The following CR1L variants were observed in gnomAD, a reference collection of about 807,000 sequenced individuals.
CR1L encodes complement component receptor 1-like protein.
A neutral mutation model predicts 62.3 loss-of-function variants in CR1L; 59 were observed. The observed-to-expected ratio is 0.95, with a 90% CI of 0.77 to 1.18. The LOEUF is 1.18. Ranked by LOEUF, CR1L falls within the 50% of genes most tolerant of loss-of-function variation. The probability of loss-of-function intolerance (pLI) is 0.00; values close to 1 mark genes in which losing one functional copy is unlikely to be tolerated. For missense variants in CR1L, 700 were observed against 702.8 expected (o/e 1.00, Z 0.04); for synonymous variants, 279 against 248.7 (o/e 1.12, Z -1.15).
chr1:207,669,085 C>T, intron 1 of CR1L: 1 of 241,332 alleles, frequency 4.1e-6, no homozygotes, highest in Non-Finnish European at 8.1e-6. Flanking sequence ...GAGGAAAAGT[C>T]AAGCAGGGTG....
Position 207,695,330 on chromosome 1 carries a change from A to G in CR1L, c.862+579A>G, listed in dbSNP as rs141428993. ...TTTTTTATAGAGATCGAATCTCACC[A>G]TGTTTCCCAGGCTTGTCTCGAACAC... On this transcript the variant is annotated intron_variant, in intron 5 of 11. Coordinates refer to ENST00000508064, the MANE Select transcript of CR1L (RefSeq NM_175710.2). Among the ~76,000 whole-genome samples, 585 of 152,098 alleles carry G rather than the reference A, an allele frequency of 3.8e-3. 2 individuals carry two copies. The highest frequency in any genetic ancestry group is 0.013 in the African/African-American group (548 of 41,478).
At chr1:207,674,876 A>G (rs1358739035) in intron 1 of CR1L, among the ~76,000 whole-genome samples, 1 of 141,794 alleles carries the variant, frequency 7.1e-6, no homozygotes, top group African/African-American at 2.6e-5. Context: ...TTTTTTTTTT[A>G]TACAGTGGTT....
At chr1:207,708,752 G>A in intron 10 of CR1L, 1 of 454,730 alleles carries the variant, frequency 2.2e-6, no homozygotes, top group East Asian at 6.9e-5. Context: ...AAAGAGGAAT[G>A]AGCAATTGCA....
chr1:207,705,145 C>T (rs1275622837), intron 9 of CR1L, among the ~76,000 whole-genome samples: 1 of 152,202 alleles, frequency 6.6e-6, no homozygotes, highest in Non-Finnish European at 1.5e-5. Flanking sequence ...CCCTCTGGGT[C>T]TGTGTCCTCA....
At chr1:207,694,863 C>T in intron 5 of CR1L, 112 bp downstream of exon 5, 1 of 1,549,102 alleles carries the variant, frequency 6.5e-7, no homozygotes, top group Non-Finnish European at 8.7e-7. Flanking sequence ...GGTCGAGAAG[C>T]AAATTTTCTA....
At chr1:207,666,080 A>G (rs1243782766) in intron 1 of CR1L, among the ~76,000 whole-genome samples, 1 of 152,198 alleles carries the variant, frequency 6.6e-6, no homozygotes, top group Non-Finnish European at 1.5e-5. Flanking sequence ...GTACTGAAAT[A>G]TCTGCTACAT....
At chr1:207,660,728 T>A (rs1663406601) in intron 1 of CR1L, among the ~76,000 whole-genome samples, 1 of 152,222 alleles carries the variant, frequency 6.6e-6, no homozygotes, top group African/African-American at 2.4e-5. Flanking sequence ...TTCTTTTAAT[T>A]GTGATGTTAG....
intron 1 of CR1L, among the ~76,000 whole-genome samples, chr1:207,667,075 C>T (rs1485060936): frequency 1.3e-5 from 2 of 152,208 alleles, no homozygotes; most frequent in Non-Finnish European, 2.9e-5. Flanking sequence ...AACATTCTCA[C>T]ACCTCCTGGC....
chr1:207,717,642 T>A lies in CR1L; in HGVS notation c.1593T>A (p.Asn531Lys), dbSNP rs773249613. ...GCCGCACAAGTGAACCTCATGGGAA[T>A]GGGGTTTGGAGCAGCCCTGCCCCTC... ...TIRRTSEPHG[N>K]GVWSSPAPRC... Residue 531 changes from asparagine (N) to lysine (K), a missense_variant, in exon 11 of 12, where the codon AAT becomes AAA. Transcript: ENST00000508064. The A allele has an allele frequency of 6.2e-7, 1 of 1,613,990 alleles. No individual in the cohort carries two copies. Among genetic ancestry groups the A allele is most frequent in the Non-Finnish European group, 8.5e-7 (1 of 1,179,888 alleles).
chr1:207,696,710 A>T (rs1333251445), intron 5 of CR1L, among the ~76,000 whole-genome samples: 2 of 152,204 alleles, frequency 1.3e-5, no homozygotes, highest in African/African-American at 4.8e-5. Context: ...ACAAACTGAA[A>T]TTATTTTTTC....
At chr1:207,657,180 T>C (rs1663327704) in intron 1 of CR1L, 2 of 1,015,564 alleles carry the variant, frequency 2.0e-6, no homozygotes, top group Non-Finnish European at 3.1e-6. Flanking sequence ...TTTAGTGAAG[T>C]AGAAGTATTT....
chr1:207,694,862 G>A, intron 5 of CR1L, 111 bp downstream of exon 5: 1 of 1,551,508 alleles, frequency 6.4e-7, no homozygotes, highest in Non-Finnish European at 8.7e-7. Flanking sequence ...GGGTCGAGAA[G>A]CAAATTTTCT....
intron 1 of CR1L, among the ~76,000 whole-genome samples, chr1:207,664,582 A>G (rs1488829610): frequency 6.6e-6 from 1 of 152,196 alleles, no homozygotes; most frequent in Non-Finnish European, 1.5e-5. Flanking sequence ...GCTTACTCAC[A>G]TGCTCCTAGT....
Position 207,652,414 on chromosome 1 carries a change from A to G in CR1L, c.97+7084A>G, listed in dbSNP as rs55972631. ...CTACTACCAGCACTCAGGTAAAAGC[A>G]TGGAACAGTCATTTAAAATCTTGCC... On this transcript the variant is annotated intron_variant, in intron 1 of 11. Transcript: ENST00000508064. 9,439 of 646,162 alleles carry G rather than the reference A, an allele frequency of 0.015. 640 individuals are homozygous for G. In the African/African-American group the frequency reaches 0.15, roughly 10 times the overall value. The allele number at this position is 646,162 out of a possible 1,614,324, so 40.0% of individuals were successfully genotyped here.
chr1:207,657,826 G>A (rs1239474245), intron 1 of CR1L, among the ~76,000 whole-genome samples: 7 of 152,140 alleles, frequency 4.6e-5, no homozygotes, highest in Admixed American at 4.6e-4. Flanking sequence ...GAATAACAGT[G>A]ATTTAAAAGT....
intron 1 of CR1L, among the ~76,000 whole-genome samples, chr1:207,665,588 T>A (rs1558013119): frequency 6.6e-6 from 1 of 151,492 alleles, no homozygotes; most frequent in Non-Finnish European, 1.5e-5. Context: ...AGAGATGGGG[T>A]TTCACCATGT....
chr1:207,699,078 C>T (rs1356644440), intron 7 of CR1L, 111 bp from the exon 8 acceptor site: 14 of 1,383,174 alleles, frequency 1.0e-5, no homozygotes, highest in Non-Finnish European at 1.4e-5. Flanking sequence ...ACTCTGCCAC[C>T]TGCTGGCCTC....
At chr1:207,676,020 G>C (rs974038208) in intron 1 of CR1L, among the ~76,000 whole-genome samples, 6 of 152,158 alleles carry the variant, frequency 3.9e-5, no homozygotes, top group Non-Finnish European at 5.9e-5. Context: ...CACTGAATCT[G>C]AGTGTCCACT....
chr1:207,671,702 A>G (rs1482496673), intron 1 of CR1L, among the ~76,000 whole-genome samples: 4 of 150,896 alleles, frequency 2.7e-5, no homozygotes, highest in Admixed American at 6.6e-5. Context: ...AGGGTAGATA[A>G]CTTGAGGTCA....
Sources: allele counts gnomAD v4.1 joint callset (sites outside exome capture counted in the v4.1 genomes callset), GRCh38; gene constraint gnomAD v4.1.1; transcripts MANE v1.5; gene names NCBI Gene and HGNC (gene_info 2026-07-23, HGNC 2026-07-21).